Variants in PCDHGA1 observed in about 807,000 individuals in gnomAD.
PCDHGA1 encodes the protein protocadherin gamma subfamily A, 1.
A neutral mutation model predicts 58.0 loss-of-function variants in PCDHGA1; 32 were observed. The ratio of observed to expected loss-of-function variants is 0.55; its 90% CI spans 0.42 to 0.74. PCDHGA1 has a LOEUF of 0.74. Among genes scored for constraint, PCDHGA1 ranks in the 30% least tolerant of loss-of-function variants. The pLI is 0.00. For missense variants in PCDHGA1, 1,205 were observed against 1,182.3 expected (o/e 1.02, Z -0.28); for synonymous variants, 498 against 501.1 (o/e 0.99, Z 0.08).
At chr5:141,366,203 G>C in intron 1 of PCDHGA1, 3 of 1,613,862 alleles carry the variant, frequency 1.9e-6, no homozygotes, top group Non-Finnish European at 2.5e-6. Flanking sequence ...GCACACGGGC[G>C]AGGTGCGCAC....
chr5:141,438,767 T>C (rs1478209487), intron 1 of PCDHGA1, among the ~76,000 whole-genome samples: 2 of 148,566 alleles, frequency 1.3e-5, no homozygotes, highest in Non-Finnish European at 3.0e-5. Flanking sequence ...GTTCAAGCGA[T>C]TCTCCTGCCT....
intron 1 of PCDHGA1, chr5:141,409,668 A>G: frequency 6.2e-7 from 1 of 1,613,398 alleles, no homozygotes; most frequent in Non-Finnish European, 8.5e-7. Context: ...CACATCTCCT[A>G]CTCTATAGTG....
At chr5:141,455,360 A>C (rs2098820130) in intron 1 of PCDHGA1, among the ~76,000 whole-genome samples, 1 of 152,112 alleles carries the variant, frequency 6.6e-6, no homozygotes, top group Non-Finnish European at 1.5e-5. Context: ...TTAATAGGCA[A>C]GAAGGAAGGG....
intron 1 of PCDHGA1, chr5:141,342,791 T>G (rs1171905294): frequency 6.6e-6 from 1 of 152,246 alleles, no homozygotes. Flanking sequence ...TTTATATTTC[T>G]GTGCTTGGAA....
chr5:141,414,702 A>G, intron 1 of PCDHGA1: 1 of 1,613,974 alleles, frequency 6.2e-7, no homozygotes, highest in Non-Finnish European at 8.5e-7. Context: ...CCTCATACAT[A>G]TCCATCAACT....
chr5:141,384,410 A>T, intron 1 of PCDHGA1: 3 of 1,613,844 alleles, frequency 1.9e-6, no homozygotes, highest in Non-Finnish European at 2.5e-6. Flanking sequence ...GTGTCCTCCT[A>T]TGTCTCCATA....
intron 1 of PCDHGA1, chr5:141,343,458 G>C: frequency 1.2e-6 from 1 of 805,678 alleles, no homozygotes; most frequent in Non-Finnish European, 1.5e-6. Context: ...TCAAGGTTCA[G>C]TGGTGGAAGA....
At chr5:141,404,232 G>GTCCAC (rs2094500642) in intron 1 of PCDHGA1, 1 of 1,613,696 alleles carries the variant, frequency 6.2e-7, no homozygotes, top group African/African-American at 1.3e-5. Flanking sequence ...GCAACAGACA[G>GTCCAC]AGGAACTCCG....
chr5:141,463,438 CTTTTTTT>C (rs71576115), intron 1 of PCDHGA1, among the ~76,000 whole-genome samples: 1 of 103,252 alleles, frequency 9.7e-6, no homozygotes, highest in Non-Finnish European at 1.9e-5. Flanking sequence ...TTTCCTTCTC[CTTTTTTT>C]TTTTTTTTTT....
Position 141,490,389 on chromosome 5 carries a change from T to C in PCDHGA1, c.2422-4418T>C, listed in dbSNP as rs1221410350. The C allele has an allele frequency of 6.2e-7, 1 of 1,614,174 alleles. No homozygotes were observed. Among genetic ancestry groups the C allele is most frequent in the African/African-American group, 1.3e-5 (1 of 75,040 alleles). On this transcript the variant is annotated intron_variant, in intron 1 of 3. Transcript: ENST00000517417. The surrounding 1 kb of genome is among the most constrained non-coding windows in gnomAD (Gnocchi z 5.4). The stretch of plus-strand genomic sequence containing the variant: ...GAGACCGGGACTCAGGTAGAAATGG[T>C]GAAGTGAGCCTTGATATCTCTCCGG...
At chr5:141,355,480 G>A in intron 1 of PCDHGA1, 1 of 1,614,048 alleles carries the variant, frequency 6.2e-7, no homozygotes, top group Admixed American at 1.7e-5. Context: ...AGACAGGGAG[G>A]AGCTCTGCGA....
rs2099730037 is a variant in PCDHGA1 at position 141,491,783 on chromosome 5, A to G, written c.2422-3024A>G. The G allele has an allele frequency of 1.3e-6, 2 of 1,539,618 alleles. No homozygotes were observed. The highest frequency in any genetic ancestry group is 2.2e-5 in the Admixed American group (1 of 46,412). On this transcript the variant is annotated intron_variant, in intron 1 of 3. Transcript: ENST00000517417. The surrounding 1 kb of genome is among the most constrained non-coding windows in gnomAD (Gnocchi z 6.9). ...CGTCCTCATAAGGGATTGAACTTGC[A>G]TCCACTCCTCTCCGGCCGGCTTGGT...
chr5:141,483,289 A>G (rs1446467890), intron 1 of PCDHGA1, among the ~76,000 whole-genome samples: 3 of 152,194 alleles, frequency 2.0e-5, no homozygotes, highest in Admixed American at 2.0e-4. Flanking sequence ...TCTGTCAGTC[A>G]TAAGTGAAGG....
Position 141,432,410 on chromosome 5 carries a change from T to C in PCDHGA1, c.2422-62397T>C. On this transcript the variant is annotated intron_variant, in intron 1 of 3. Transcript: ENST00000517417. This position sits in a 1 kb window ranked among gnomAD's most constrained non-coding sequence, Gnocchi z 6.0. The stretch of plus-strand genomic sequence containing the variant: ...CAGCAGCAACGTGTCGTTGAGCCTG[T>C]TCGTGCTGGACCAGAACGACAATGC... 6.2e-7 allele frequency: 1 copy of C among 1,614,228 alleles called. No homozygotes were observed. Among genetic ancestry groups the C allele is most frequent in the East Asian group, 2.2e-5 (1 of 44,884 alleles).
At chr5:141,428,044 C>A in intron 1 of PCDHGA1, 1 of 1,608,790 alleles carries the variant, frequency 6.2e-7, no homozygotes, top group Non-Finnish European at 8.5e-7. Context: ...TACCTGGTGA[C>A]CAAGGTGGTG....
chr5:141,370,090 A>G (rs1766666321), intron 1 of PCDHGA1, among the ~76,000 whole-genome samples: 1 of 152,252 alleles, frequency 6.6e-6, no homozygotes, highest in South Asian at 2.1e-4. Context: ...CACTATCAGT[A>G]CACTGCCGAT....
chr5:141,409,552 A>G, intron 1 of PCDHGA1: 8 of 1,613,962 alleles, frequency 5.0e-6, no homozygotes, highest in Non-Finnish European at 6.8e-6. Flanking sequence ...ACAACGCCCC[A>G]GTTTTCGACC....
chr5:141,363,284 T>G (rs1762866895), intron 1 of PCDHGA1, among the ~76,000 whole-genome samples: 1 of 152,272 alleles, frequency 6.6e-6, no homozygotes, highest in Non-Finnish European at 1.5e-5. Flanking sequence ...AATTTCCTAA[T>G]TATATAGAAT....
At chr5:141,384,906 C>G (rs767972748) in intron 1 of PCDHGA1, 3 of 1,613,882 alleles carry the variant, frequency 1.9e-6, no homozygotes, top group East Asian at 4.5e-5. Flanking sequence ...ACAGCATCCC[C>G]GAAGTCTTGG....
Sources: gnomAD v4.1 joint callset for allele counts (sites outside exome capture counted in the v4.1 genomes callset) on GRCh38, gnomAD v4.1.1 for gene constraint, Gnocchi (gnomAD v3.1) non-coding constraint, MANE v1.5 for transcripts, NCBI Gene and HGNC (gene_info 2026-07-23, HGNC 2026-07-21) for gene names.